ZFP90: variants seen among roughly 807,000 people sequenced by gnomAD.
ZFP90 encodes the protein zinc finger protein 90 homolog.
In ZFP90, 38 loss-of-function variants were observed where a neutral mutation model predicts 60.8. That is an observed-to-expected ratio of 0.62 (90% confidence interval 0.48 to 0.82). ZFP90 has a LOEUF of 0.82. Ranked by LOEUF, ZFP90 falls within the 40% of genes least tolerant of loss-of-function variation. The pLI is 0.00. For synonymous variants in ZFP90, 287 were observed against 264.8 expected (o/e 1.08, Z -0.82); for missense variants, 711 against 759.1 (o/e 0.94, Z 0.74).
chr16:68,534,361 TG>T (rs1395500534), upstream of ZFP90, among the ~76,000 whole-genome samples: 11 of 151,312 alleles, frequency 7.3e-5, no homozygotes, highest in Non-Finnish European at 1.6e-4. Context: ...CCCGAGTAGC[TG>T]GGACTACAGG....
intron 2 of ZFP90, among the ~76,000 whole-genome samples, chr16:68,547,014 G>A (rs1448539532): frequency 2.6e-5 from 4 of 152,182 alleles, no homozygotes; most frequent in Admixed American, 2.6e-4. Flanking sequence ...TTGTTTACAT[G>A]TTTAGCTATT....
downstream of ZFP90, among the ~76,000 whole-genome samples, chr16:68,568,259 T>C (rs2091549151): frequency 6.6e-6 from 1 of 152,226 alleles, no homozygotes; most frequent in Non-Finnish European, 1.5e-5. Context: ...ATATAGTGTT[T>C]TAAGTGAGCA....
At chr16:68,573,802 C>G (rs145050223) in intron 2 of ZFP90, 1 of 152,372 alleles carries the variant, frequency 6.6e-6, no homozygotes, top group African/African-American at 2.4e-5. Context: ...GAGAGCACCT[C>G]CTGAACGCAG....
intron 2 of ZFP90, among the ~76,000 whole-genome samples, chr16:68,573,579 G>C (rs995302816): frequency 6.6e-6 from 1 of 152,152 alleles, no homozygotes; most frequent in Non-Finnish European, 1.5e-5. Context: ...TCCTAACATG[G>C]GATTTGACAG....
At chr16:68,558,339 C>T in intron 3 of ZFP90, 134 bp from the exon 4 acceptor site, 1 of 1,091,832 alleles carries the variant, frequency 9.2e-7, no homozygotes, top group Non-Finnish European at 1.4e-6. Context: ...AATTTGATTG[C>T]ATGACTCCTT....
Position 68,558,554 on chromosome 16 carries a change from G to C in ZFP90, c.242G>C (p.Arg81Pro). Reference protein sequence around the residue: ...EPWISEGEIQRPFYPDWKTRP... With the variant: ...EPWISEGEIQPPFYPDWKTRP... ...TGGATATCAGAGGGAGAAATCCAAC[G>C]ACCTTTCTATCCAGGTAAATGAGTG... The change falls in exon 4 of 5, where the codon CGA becomes CCA. Residue 81 changes from arginine (R) to proline (P), a missense_variant. By Grantham distance (103) the Arg-to-Pro change is moderately radical. Transcript: ENST00000563169. The C allele has an allele frequency of 6.2e-7, 1 of 1,613,750 alleles. No homozygotes were observed. The highest frequency in any genetic ancestry group is 8.5e-7 in the Non-Finnish European group (1 of 1,179,810).
chr16:68,571,024 A>C (rs1430498604), downstream of ZFP90, among the ~76,000 whole-genome samples: 1 of 152,202 alleles, frequency 6.6e-6, no homozygotes, highest in African/African-American at 2.4e-5. Context: ...GGGGGAACTT[A>C]GAGACAGAAG....
chr16:68,576,041 A>T (rs201314012), exon 3 of ZFP90: 33 of 6,992 alleles, frequency 4.7e-3, no homozygotes, highest in Admixed American at 0.022. Context: ...ACATTTATTT[A>T]AAAAAAAAAA....
In ZFP90 at chr16:68,566,551, A is replaced by G. The variant is rs915453081; in HGVS notation, c.*1853A>G. On this transcript the variant is annotated 3_prime_UTR_variant, in exon 5 of 5. Coordinates refer to ENST00000563169, the MANE Select transcript of ZFP90 (RefSeq NM_001305203.2). ...GCTGAAATGTAATATGTGTAGCTCA[A>G]TTAGTCTCTCCTCTGTGATGCAAAA... The G allele has an allele frequency of 1.3e-5, 13 of 985,454 alleles. No homozygotes were observed. The highest frequency in any genetic ancestry group is 3.5e-5 in the African/African-American group (2 of 57,234). The allele number at this position is 985,454 out of a possible 1,614,324, so 61.0% of individuals were successfully genotyped here. A position where few individuals can be genotyped will look rare whatever the true frequency, so the allele number is the denominator to read the frequency against.
In ZFP90 at chr16:68,566,560, T is replaced by C. The variant is rs2091531547; in HGVS notation, c.*1862T>C. The C allele has an allele frequency of 2.0e-6, 2 of 985,412 alleles. No individual in the cohort carries two copies. 61.0% of individuals were successfully genotyped at this position (985,412 alleles called of 1,614,324 possible). ...TAATATGTGTAGCTCAATTAGTCTC[T>C]CCTCTGTGATGCAAAATGGAATATT... On this transcript the variant is annotated 3_prime_UTR_variant, in exon 5 of 5. Transcript: ENST00000563169.
In ZFP90 at chr16:68,539,800, C is replaced by T. The variant is rs375314908; in HGVS notation, c.8C>T (p.Pro3Leu). The change falls in exon 2 of 5, where the codon CCG (proline) becomes CTG (leucine). Residue 3 changes from proline to leucine, a missense_variant. Around this residue, in one of 5 missense-constraint regions of ZFP90, gnomAD observed 27 missense variants for 17.9 expected, o/e 1.50. Transcript: ENST00000563169. ...GGCCCTGGCGAGGCAGGAATGGCCCCGAGGCCTCCGACCGCCGCGCCCCAG... is the reference window on the plus strand; with the variant it reads ...GGCCCTGGCGAGGCAGGAATGGCCCTGAGGCCTCCGACCGCCGCGCCCCAG... MA[P>L]RPPTAAPQES... is the part of the protein sequence containing the mutation. 7 of 1,603,094 alleles carry T rather than the reference C, an allele frequency of 4.4e-6. No individual in the cohort carries two copies. Among genetic ancestry groups the T allele is most frequent in the African/African-American group, 4.0e-5 (3 of 74,968 alleles).
downstream of ZFP90, among the ~76,000 whole-genome samples, chr16:68,571,417 G>T (rs1013266505): frequency 6.6e-6 from 1 of 152,180 alleles, no homozygotes; most frequent in Admixed American, 6.5e-5. Context: ...GTGGTGCATA[G>T]GTATTCGTTG....
chr16:68,534,628 G>A (rs1023533793), upstream of ZFP90, among the ~76,000 whole-genome samples: 4 of 151,594 alleles, frequency 2.6e-5, no homozygotes, highest in African/African-American at 7.3e-5. Context: ...TTTGACAGCC[G>A]GGCACAGTGG....
At chr16:68,558,801 C>G (rs1247368870) in intron 4 of ZFP90, among the ~76,000 whole-genome samples, 1 of 152,176 alleles carries the variant, frequency 6.6e-6, no homozygotes, top group African/African-American at 2.4e-5. Flanking sequence ...GATCCCTTCT[C>G]TTACTCATTC....
At position 68,565,341 on chromosome 16, in the gene ZFP90, T is replaced by C. The variant is rs1334062936; in HGVS notation, c.*643T>C. 12 of 985,464 alleles carry C rather than the reference T, an allele frequency of 1.2e-5. No individual in the cohort carries two copies. Among genetic ancestry groups the C allele is most frequent in the Non-Finnish European group, 1.3e-5 (11 of 829,946 alleles). 61.0% of individuals were successfully genotyped at this position (985,464 alleles called of 1,614,324 possible). On this transcript the variant is annotated 3_prime_UTR_variant, in exon 5 of 5. Transcript: ENST00000563169. ...AAGGTTATTTTTGGACTCAGAGGGC[T>C]TTAAAATAAATTTTAAGATGTATCA...
intron 2 of ZFP90, among the ~76,000 whole-genome samples, chr16:68,549,066 T>C (rs1187798488): frequency 6.6e-6 from 1 of 152,194 alleles, no homozygotes; most frequent in Non-Finnish European, 1.5e-5. Flanking sequence ...GAATGCTTGC[T>C]CTATGCCAGG....
Position 68,566,682 on chromosome 16 carries a change from C to G in ZFP90, c.*1984C>G. The G allele has an allele frequency of 1.0e-6, 1 of 985,598 alleles. No individual in the cohort carries two copies. The highest frequency in any genetic ancestry group is 1.2e-6 in the Non-Finnish European group (1 of 829,938). 61.1% of individuals were successfully genotyped at this position (985,598 alleles called of 1,614,324 possible). On this transcript the variant is annotated 3_prime_UTR_variant, in exon 5 of 5. Transcript: ENST00000563169. ...CACACACAATGCCAAGGCTGTGCTT[C>G]TATTATCTGATACATAGTTTGACAA...
At chr16:68,573,887 G>A (rs556005460) in intron 2 of ZFP90, 34 of 152,428 alleles carry the variant, frequency 2.2e-4, no homozygotes, top group African/African-American at 7.9e-4. Context: ...TGGGCTGAAC[G>A]TCTTCCCTCG....
At chr16:68,540,911 CTTT>C (rs34827177) in intron 2 of ZFP90, among the ~76,000 whole-genome samples, 4 of 125,708 alleles carry the variant, frequency 3.2e-5, no homozygotes, top group Admixed American at 8.9e-5. Flanking sequence ...TACATCATGC[CTTT>C]TTTTTTTTTT....
Sources: gnomAD v4.1 joint callset for allele counts (sites outside exome capture counted in the v4.1 genomes callset) on GRCh38, gnomAD v4.1.1 for gene constraint, gnomAD v4.1.1 regional missense constraint, MANE v1.5 for transcripts, NCBI Gene and HGNC (gene_info 2026-07-23, HGNC 2026-07-21) for gene names.